The following TNFRSF9 variants were observed in gnomAD, a reference collection of about 807,000 sequenced individuals.
TNFRSF9 encodes the protein tumor necrosis factor receptor superfamily member 9.
Under a neutral mutation model 28.8 loss-of-function variants are expected in TNFRSF9, and 16 were observed. The observed-to-expected ratio is 0.55, with a 90% CI of 0.38 to 0.84. The LOEUF (loss-of-function observed/expected upper bound fraction) is 0.84, where lower values mean the gene tolerates loss of function less well. Among genes scored for constraint, TNFRSF9 ranks in the 40% least tolerant of loss-of-function variants. The probability of loss-of-function intolerance (pLI) is 0.00; values close to 1 mark genes in which losing one functional copy is unlikely to be tolerated. For missense variants in TNFRSF9, 303 were observed against 315.0 expected, an observed-to-expected ratio of 0.96 and a Z score of 0.29; for synonymous variants, 131 against 117.0, an observed-to-expected ratio of 1.12 and a Z score of -0.77.
intron 6 of TNFRSF9, among the ~76,000 whole-genome samples, chr1:7,934,167 A>G (rs1639781364): frequency 1.3e-5 from 2 of 152,120 alleles, no homozygotes; most frequent in Admixed American, 6.6e-5. Flanking sequence ...CTTGAGCCCA[A>G]GAGTTTGAGA....
chr1:7,937,500 T>C (rs9657968), intron 5 of TNFRSF9, among the ~76,000 whole-genome samples, 190 bp downstream of exon 5: 20 of 152,264 alleles, frequency 1.3e-4, no homozygotes, highest in African/African-American at 4.3e-4. Flanking sequence ...CCAGGCACTA[T>C]TTCTGGAGAA....
chr1:7,939,973 T>C lies in TNFRSF9; in HGVS notation c.22A>G (p.Ile8Val), dbSNP rs1216340888. 3.1e-6 allele frequency: 5 copies of C among 1,599,612 alleles called. No homozygotes were observed. Among genetic ancestry groups the C allele is most frequent in the Non-Finnish European group, 2.6e-6 (3 of 1,168,342 alleles). Residue 8 changes from isoleucine (I) to valine (V), a missense_variant, in exon 2 of 8, where the codon ATA becomes GTA. Coordinates refer to ENST00000377507, the MANE Select transcript of TNFRSF9 (RefSeq NM_001561.6). MGNSCYN[I>V]VATLLLVLNF... ...AGGACCAGCAACAGAGTGGCTACTA[T>C]GTTGTAACAGCTGTTTCCCATGATG...
At chr1:7,921,080 A>G (rs1300918698) in intron 7 of TNFRSF9, among the ~76,000 whole-genome samples, 157 bp from the exon 8 acceptor site, 1 of 152,166 alleles carries the variant, frequency 6.6e-6, no homozygotes, top group East Asian at 1.9e-4. Context: ...TCATGCCTGT[A>G]ACCCCAGCAC....
chr1:7,930,302 G>A (rs1254223196), intron 7 of TNFRSF9, among the ~76,000 whole-genome samples: 4 of 152,102 alleles, frequency 2.6e-5, no homozygotes, highest in Non-Finnish European at 2.9e-5. Flanking sequence ...AATCGAACCC[G>A]GGTCGTGATG....
At chr1:7,932,760 C>T (rs9657988) in intron 7 of TNFRSF9, among the ~76,000 whole-genome samples, 1 of 151,796 alleles carries the variant, frequency 6.6e-6, no homozygotes, top group African/African-American at 2.4e-5. Flanking sequence ...CATACACATA[C>T]ATGCAATAAT....
chr1:7,939,754 T>C, intron 2 of TNFRSF9, 141 bp downstream of exon 2: 1 of 600,816 alleles, frequency 1.7e-6, no homozygotes, highest in African/African-American at 1.8e-5. Flanking sequence ...AGCTAGGTTG[T>C]AGCATCCAAT....
intron 5 of TNFRSF9, among the ~76,000 whole-genome samples, 154 bp downstream of exon 5, chr1:7,937,536 C>T (rs747527678): frequency 6.6e-6 from 1 of 152,198 alleles, no homozygotes; most frequent in Non-Finnish European, 1.5e-5. Flanking sequence ...TATTGAGTTG[C>T]TACGACCTCA....
chr1:7,938,418 C>T (rs1639854213), intron 3 of TNFRSF9, 88 bp from the exon 4 acceptor site: 6 of 1,342,230 alleles, frequency 4.5e-6, no homozygotes, highest in Non-Finnish European at 5.0e-6. Flanking sequence ...AAAAATCATG[C>T]TCACTCTACT....
At chr1:7,938,089 T>C (rs1024549233) in intron 4 of TNFRSF9, 104 bp downstream of exon 4, 32 of 1,101,228 alleles carry the variant, frequency 2.9e-5, no homozygotes, top group Non-Finnish European at 7.4e-6. Context: ...CCCTTGTTAC[T>C]TTAAGGTTCT....
intron 7 of TNFRSF9, among the ~76,000 whole-genome samples, chr1:7,931,069 C>T (rs190640042): frequency 6.6e-6 from 1 of 152,242 alleles, no homozygotes; most frequent in East Asian, 1.9e-4. Flanking sequence ...GTTAAAACCA[C>T]AATGAGATAC....
intron 7 of TNFRSF9, among the ~76,000 whole-genome samples, chr1:7,929,162 T>C (rs1297700246): frequency 3.3e-4 from 33 of 99,458 alleles, no homozygotes; most frequent in South Asian, 1.1e-3. Context: ...TTTTTCCTTT[T>C]TTTTTTTTTT....
chr1:7,932,688 C>T (rs967516310), intron 7 of TNFRSF9, among the ~76,000 whole-genome samples: 6 of 149,940 alleles, frequency 4.0e-5, no homozygotes, highest in African/African-American at 1.5e-4. Context: ...CACGCACGCA[C>T]GCGCACACAC....
Position 7,917,113 on chromosome 1 carries a change from T to G in TNFRSF9, c.*3722A>C, listed in dbSNP as rs766210128. 1.3e-5 allele frequency: 2 copies of G among 152,102 alleles called. No homozygotes were observed. The highest frequency in any genetic ancestry group is 2.9e-5 in the Non-Finnish European group (2 of 68,042). The allele number at this position is 152,102 out of a possible 1,614,324, so 9.4% of individuals were successfully genotyped here. A position where few individuals can be genotyped will look rare whatever the true frequency, so the allele number is the denominator to read the frequency against. On this transcript the variant is annotated 3_prime_UTR_variant, in exon 8 of 8. Coordinates refer to ENST00000377507, the MANE Select transcript of TNFRSF9 (RefSeq NM_001561.6). ...CCTGACTAATTTTTGTATTTTTTAG[T>G]AGAGATGGGGTTTCACCATGTTGGC...
chr1:7,939,912 C>T lies in TNFRSF9; in HGVS notation c.83G>A (p.Cys28Tyr), dbSNP rs751662579. 5.0e-6 allele frequency: 8 copies of T among 1,599,520 alleles called. No homozygotes were observed. Among genetic ancestry groups the T allele is most frequent in the Non-Finnish European group, 6.8e-6 (8 of 1,168,340 alleles). ...GTACTCACCAGCTGGGCAGTTACTA[C>T]AAGGATCCTGCAATGATCTTGTCCT... ...FERTRSLQDP[C>Y]SNCPAGTFCD... is the part of the protein sequence containing the mutation. Residue 28 changes from cysteine to tyrosine, a missense_variant, in exon 2 of 8, where the codon TGT (cysteine) becomes TAT (tyrosine). By Grantham distance (194) the Cys-to-Tyr change is radical. Coordinates refer to ENST00000377507, the MANE Select transcript of TNFRSF9 (RefSeq NM_001561.6).
At chr1:7,937,540 G>T in intron 5 of TNFRSF9, 150 bp downstream of exon 5, 1 of 567,024 alleles carries the variant, frequency 1.8e-6, no homozygotes, top group Admixed American at 3.0e-5. Flanking sequence ...GAGTTGCTAC[G>T]ACCTCACAGT....
intron 2 of TNFRSF9, among the ~76,000 whole-genome samples, chr1:7,939,200 A>G (rs1365960850): frequency 6.6e-6 from 1 of 151,932 alleles, no homozygotes; most frequent in East Asian, 1.9e-4. Context: ...CACACCTGTA[A>G]TCCCAGCTAC....
chr1:7,927,628 C>T (rs1016151191), intron 7 of TNFRSF9, among the ~76,000 whole-genome samples: 1 of 151,722 alleles, frequency 6.6e-6, no homozygotes. Flanking sequence ...GATCACACCA[C>T]TGCACTCCAG....
rs547214030 is a variant in TNFRSF9 at position 7,934,023 on chromosome 1, C to G, written c.545-727G>C. ...CAGAGAGAGACTCTGTCCACCCCCC[C>G]AAAAAAATAAAAGAAACTTAATAAT... On this transcript the variant is annotated intron_variant, in intron 6 of 7. Coordinates refer to ENST00000377507, the MANE Select transcript of TNFRSF9 (RefSeq NM_001561.6). 2.8e-4 allele frequency among the ~76,000 whole-genome samples: 43 copies of G among 151,260 alleles called. 1 individual carries two copies. The South Asian group carries it at 6.5e-3, about 23-fold the overall frequency.
intron 7 of TNFRSF9, among the ~76,000 whole-genome samples, chr1:7,930,204 G>A (rs543738641): frequency 1.3e-5 from 2 of 151,928 alleles, no homozygotes; most frequent in Non-Finnish European, 2.9e-5. Flanking sequence ...CTAACCTCAG[G>A]TGATCTGCCC....
Sources: allele counts gnomAD v4.1 joint callset (sites outside exome capture counted in the v4.1 genomes callset), GRCh38; gene constraint gnomAD v4.1.1; transcripts MANE v1.5; gene names NCBI Gene and HGNC (gene_info 2026-07-23, HGNC 2026-07-21).